RNF111: variants seen among roughly 807,000 people sequenced by gnomAD.
RNF111 encodes the protein E3 ubiquitin-protein ligase Arkadia.
In RNF111, 17 loss-of-function variants were observed where a neutral mutation model predicts 95.1. The ratio of observed to expected loss-of-function variants is 0.18; its 90% CI spans 0.12 to 0.27. The LOEUF is 0.27. Among genes scored for constraint, RNF111 ranks in the 10% least tolerant of loss-of-function variants. The pLI is 1.00. For synonymous variants in RNF111, 440 were observed against 414.8 expected (o/e 1.06, Z -0.74); for missense variants, 1,189 against 1,210.4 (o/e 0.98, Z 0.26).
intron 1 of RNF111, among the ~76,000 whole-genome samples, chr15:58,995,590 T>C (rs888151511): frequency 6.6e-6 from 1 of 151,868 alleles, no homozygotes; most frequent in African/African-American, 2.4e-5. Context: ...CCCAAATAGC[T>C]GGGATTATAG....
At chr15:59,035,740 C>G (rs189254064) in intron 2 of RNF111, among the ~76,000 whole-genome samples, 2 of 152,188 alleles carry the variant, frequency 1.3e-5, no homozygotes, top group African/African-American at 4.8e-5. Context: ...CTTTGCATAG[C>G]AAGAGTGGCC....
At chr15:59,056,905 C>T (rs535264377) in intron 4 of RNF111, among the ~76,000 whole-genome samples, 1 of 152,230 alleles carries the variant, frequency 6.6e-6, no homozygotes, top group East Asian at 1.9e-4. Context: ...ATAGAGTAGC[C>T]TTTTCCACAT....
Position 59,012,180 on chromosome 15 carries a change from G to A in RNF111, c.-19-18624G>A, listed in dbSNP as rs1339654256. Among the ~76,000 whole-genome samples the A allele has an allele frequency of 2.6e-5, 4 of 151,616 alleles. No homozygotes were observed. In the East Asian group the frequency reaches 7.8e-4, roughly 29 times the overall value. Reference sequence around the variant, plus strand: ...ATTACAGGCATGCATCTCCACACCCGGCTGATTTTTGTATTTTTAGTAGAG... The same window carrying A: ...ATTACAGGCATGCATCTCCACACCCAGCTGATTTTTGTATTTTTAGTAGAG... On this transcript the variant is annotated intron_variant, in intron 1 of 13. Coordinates refer to ENST00000348370, the MANE Select transcript of RNF111 (RefSeq NM_017610.8).
chr15:59,072,244 G>A (rs947775005), intron 6 of RNF111, among the ~76,000 whole-genome samples: 1 of 152,072 alleles, frequency 6.6e-6, no homozygotes, highest in Non-Finnish European at 1.5e-5. Flanking sequence ...AGATAACAAT[G>A]AAGTTTGCTG....
chr15:59,001,487 A>G (rs578162369), intron 1 of RNF111, among the ~76,000 whole-genome samples: 1 of 152,302 alleles, frequency 6.6e-6, no homozygotes, highest in Admixed American at 6.5e-5. Context: ...GATTTGAAAT[A>G]AAGGTCTTGT....
intron 1 of RNF111, among the ~76,000 whole-genome samples, chr15:59,028,191 C>G (rs143935904): frequency 7.9e-5 from 12 of 152,266 alleles, no homozygotes; most frequent in Non-Finnish European, 1.3e-4. Context: ...CACATTCTAT[C>G]TATGTAGATT....
chr15:59,007,968 C>G (rs1380715637), intron 1 of RNF111, among the ~76,000 whole-genome samples: 7 of 152,064 alleles, frequency 4.6e-5, no homozygotes, highest in African/African-American at 1.7e-4. Flanking sequence ...CTTTTGTTTT[C>G]TTAATGCTGT....
intron 11 of RNF111, 51 bp from the exon 12 acceptor site, chr15:59,091,008 C>A (rs1365856638): frequency 1.8e-6 from 2 of 1,098,418 alleles, no homozygotes; most frequent in South Asian, 2.6e-5. Context: ...CAGTTCTGTT[C>A]AAGGAATAAT....
chr15:59,041,219 G>C (rs2041432767), intron 2 of RNF111, among the ~76,000 whole-genome samples: 1 of 152,126 alleles, frequency 6.6e-6, no homozygotes, highest in South Asian at 2.1e-4. Flanking sequence ...TTGATGAACA[G>C]TTTGCAGACT....
intron 2 of RNF111, among the ~76,000 whole-genome samples, chr15:59,048,466 G>A (rs2041818696): frequency 1.3e-5 from 2 of 152,184 alleles, no homozygotes; most frequent in Middle Eastern, 3.2e-3. Context: ...GATGATGACT[G>A]ACTGAAATAG....
At chr15:58,998,031 A>C in intron 1 of RNF111, among the ~76,000 whole-genome samples, 1 of 151,360 alleles carries the variant, frequency 6.6e-6, no homozygotes, top group Non-Finnish European at 1.5e-5. Flanking sequence ...CAGGCTCCCT[A>C]GTAGCTGGGA....
At chr15:59,055,615 A>G (rs1357052364) in intron 3 of RNF111, 67 bp from the exon 4 acceptor site, 6 of 1,214,214 alleles carry the variant, frequency 4.9e-6, no homozygotes, top group Non-Finnish European at 6.7e-6. Flanking sequence ...AGAAAGGCTT[A>G]TGGGTTTTTG....
chr15:59,088,892 C>T (rs906758558), intron 10 of RNF111, among the ~76,000 whole-genome samples: 14 of 152,192 alleles, frequency 9.2e-5, no homozygotes, highest in Admixed American at 3.3e-4. Context: ...CTTAGGAACA[C>T]TAGACAGCAC....
intron 1 of RNF111, among the ~76,000 whole-genome samples, chr15:59,017,745 G>A (rs1323695245): frequency 7.6e-6 from 1 of 132,002 alleles, no homozygotes; most frequent in Non-Finnish European, 1.6e-5. Context: ...TACATTATTT[G>A]TTGAACTCTT....
Position 58,993,974 on chromosome 15 carries a change from G to A in RNF111, c.-20+5906G>A, listed in dbSNP as rs2038932336. On this transcript the variant is annotated intron_variant, in intron 1 of 13. Transcript: ENST00000348370. ...TTCCCTTATTCATATGTACTATAGGGCACTCGAATAAATTACTTATTTTAC... is the reference window on the plus strand; with the variant it reads ...TTCCCTTATTCATATGTACTATAGGACACTCGAATAAATTACTTATTTTAC... Among the ~76,000 whole-genome samples the A allele has an allele frequency of 4.0e-5, 6 of 151,566 alleles. No homozygotes were observed. The South Asian group carries it at 1.0e-3, about 26-fold the overall frequency.
chr15:59,044,898 AT>A (rs2041635148), intron 2 of RNF111, among the ~76,000 whole-genome samples: 1 of 152,212 alleles, frequency 6.6e-6, no homozygotes, highest in African/African-American at 2.4e-5. Flanking sequence ...TGTTGTGAAT[AT>A]GCTTTAGTTA....
intron 1 of RNF111, among the ~76,000 whole-genome samples, chr15:59,019,441 G>A (rs1290992623): frequency 2.0e-5 from 3 of 151,980 alleles, no homozygotes; most frequent in Non-Finnish European, 4.4e-5. Flanking sequence ...AATTTGTGAC[G>A]GAGCCAATTT....
intron 1 of RNF111, among the ~76,000 whole-genome samples, chr15:58,990,271 A>G (rs1400412297): frequency 6.6e-6 from 1 of 152,142 alleles, no homozygotes; most frequent in African/African-American, 2.4e-5. Context: ...GGTTTTTGGT[A>G]TTCATTGTTG....
intron 2 of RNF111, among the ~76,000 whole-genome samples, chr15:59,046,028 T>C (rs1204608132): frequency 1.3e-5 from 2 of 152,208 alleles, no homozygotes; most frequent in African/African-American, 4.8e-5. Context: ...ATCTCATAAC[T>C]CCTAATAAAT....
Sources: allele counts gnomAD v4.1 joint callset (sites outside exome capture counted in the v4.1 genomes callset), GRCh38; gene constraint gnomAD v4.1.1; transcripts MANE v1.5; gene names NCBI Gene and HGNC (gene_info 2026-07-23, HGNC 2026-07-21).